Variants in FARSB observed in about 807,000 individuals in gnomAD.
FARSB encodes the protein phenylalanyl-tRNA synthetase subunit beta.
Under a neutral mutation model 69.6 loss-of-function variants are expected in FARSB, and 40 were observed. The observed-to-expected ratio is 0.57, with a 90% CI of 0.45 to 0.75. The LOEUF is 0.75. Among genes scored for constraint, FARSB ranks in the 30% least tolerant of loss-of-function variants. The pLI is 0.00. For missense variants in FARSB, 632 were observed against 722.9 expected (o/e 0.87, Z 1.44); for synonymous variants, 235 against 247.2 (o/e 0.95, Z 0.46).
chr2:222,618,516 T>TA (rs2106213934), intron 14 of FARSB, among the ~76,000 whole-genome samples: 1 of 152,308 alleles, frequency 6.6e-6, no homozygotes, highest in South Asian at 2.1e-4. Flanking sequence ...CAGACTTGCA[T>TA]ATGCAAGAGA....
chr2:222,580,511 T>C (rs1489852436), intron 16 of FARSB, among the ~76,000 whole-genome samples: 7 of 150,690 alleles, frequency 4.6e-5, no homozygotes, highest in Non-Finnish European at 8.9e-5. Flanking sequence ...AAAAAAATAG[T>C]GCTACATAGG....
intron 15 of FARSB, among the ~76,000 whole-genome samples, chr2:222,606,357 T>C: frequency 6.8e-6 from 1 of 146,472 alleles, no homozygotes; most frequent in East Asian, 2.9e-4. Context: ...CCATACTACA[T>C]CATAGAAAGT....
Position 222,628,045 on chromosome 2 carries a change from G to A in FARSB, c.900+792C>T, listed in dbSNP as rs894637142. Among the ~76,000 whole-genome samples, 12 of 152,234 alleles carry A rather than the reference G, an allele frequency of 7.9e-5. No individual in the cohort carries two copies. The East Asian group carries it at 1.4e-3, about 17-fold the overall frequency. On this transcript the variant is annotated intron_variant, in intron 10 of 16. Transcript: ENST00000281828. ...TTTAGATTTTTTACCAAGATCTTAC[G>A]CTTGAAAATAACTATGTGGTTACTA...
rs756280936 is a variant in FARSB, at chr2:222,600,019, C to A, written c.1527G>T (p.Glu509Asp). 66 of 1,611,962 alleles carry A rather than the reference C, an allele frequency of 4.1e-5. No individual in the cohort carries two copies. Among genetic ancestry groups the A allele is most frequent in the Non-Finnish European group, 5.3e-5 (63 of 1,179,508 alleles). ...AVYYNKNPGF[E>D]IIHGLLDRIM... ...TTCTGTCCAGCAGCCCATGAATGATCTCAAACCCAGGATTCTTGTTGTAAT... is the reference window on the plus strand; with the variant it reads ...TTCTGTCCAGCAGCCCATGAATGATATCAAACCCAGGATTCTTGTTGTAAT... Residue 509 changes from glutamate to aspartate, a missense_variant, in exon 16 of 17, where the codon GAG (glutamate) becomes GAT (aspartate). Transcript: ENST00000281828.
chr2:222,649,542 T>C (rs1691971392), intron 1 of FARSB, among the ~76,000 whole-genome samples: 1 of 152,244 alleles, frequency 6.6e-6, no homozygotes, highest in Non-Finnish European at 1.5e-5. Context: ...TTGAATTCTA[T>C]CCCACTTATT....
intron 15 of FARSB, among the ~76,000 whole-genome samples, chr2:222,612,188 T>C (rs1465194497): frequency 1.3e-5 from 2 of 152,224 alleles, no homozygotes; most frequent in Admixed American, 1.3e-4. Flanking sequence ...TATTTGCAGC[T>C]GGCACTAAAC....
chr2:222,628,436 G>A (rs1227542015), intron 10 of FARSB, among the ~76,000 whole-genome samples: 1 of 152,020 alleles, frequency 6.6e-6, no homozygotes, highest in Admixed American at 6.5e-5. Context: ...CAATTATTAT[G>A]TGCCAATTAA....
At chr2:222,623,427 G>C (rs954798996) in intron 13 of FARSB, among the ~76,000 whole-genome samples, 1 of 152,076 alleles carries the variant, frequency 6.6e-6, no homozygotes, top group African/African-American at 2.4e-5. Flanking sequence ...CTCATTTGAG[G>C]TATTTTTTTC....
intron 10 of FARSB, among the ~76,000 whole-genome samples, chr2:222,626,808 C>A (rs566332150): frequency 6.6e-6 from 1 of 152,072 alleles, no homozygotes; most frequent in African/African-American, 2.4e-5. Context: ...CCAAAGCGGG[C>A]GGATCACAAG....
intron 3 of FARSB, 61 bp from the exon 4 acceptor site, chr2:222,640,992 C>T (rs1298886732): frequency 2.4e-6 from 2 of 836,114 alleles, no homozygotes; most frequent in Non-Finnish European, 3.7e-6. Context: ...AAAATAATTA[C>T]ATTCTATGCT....
In FARSB at chr2:222,568,104, G is replaced by C. The variant is rs1242649266; in HGVS notation, c.*3767C>G. On this transcript the variant is annotated 3_prime_UTR_variant, in exon 17 of 17. Transcript: ENST00000281828. This position sits in a 1 kb window ranked among gnomAD's most constrained non-coding sequence, Gnocchi z 4.3. Reference sequence around the variant, plus strand: ...AAAATGTGAGCAGGTGTGTGTGGCTGACTGTACAAATCAAGGAAAATGTCC... The same window carrying C: ...AAAATGTGAGCAGGTGTGTGTGGCTCACTGTACAAATCAAGGAAAATGTCC... 1 of 150,774 alleles carries C rather than the reference G, an allele frequency of 6.6e-6. No homozygotes were observed. Among genetic ancestry groups the C allele is most frequent in the Non-Finnish European group, 1.5e-5 (1 of 67,994 alleles). 9.3% of individuals were successfully genotyped at this position (150,774 alleles called of 1,614,324 possible). A position where few individuals can be genotyped will look rare whatever the true frequency, so the allele number is the denominator to read the frequency against.
At chr2:222,622,024 G>A (rs1691149054) in intron 13 of FARSB, among the ~76,000 whole-genome samples, 1 of 152,198 alleles carries the variant, frequency 6.6e-6, no homozygotes, top group African/African-American at 2.4e-5. Context: ...TCAGTCACAG[G>A]CCTTGGATGC....
At chr2:222,594,092 A>AT (rs1690347124) in intron 16 of FARSB, among the ~76,000 whole-genome samples, 1 of 122,528 alleles carries the variant, frequency 8.2e-6, no homozygotes, top group African/African-American at 2.8e-5. Flanking sequence ...ACCCGCCTCT[A>AT]CAAAAAAAAA....
intron 14 of FARSB, among the ~76,000 whole-genome samples, chr2:222,616,003 T>C (rs1361352065): frequency 6.6e-6 from 1 of 152,204 alleles, no homozygotes; most frequent in Non-Finnish European, 1.5e-5. Flanking sequence ...ATATGCCTTA[T>C]TTGCATATTT....
At chr2:222,582,889 C>T (rs113296391) in intron 16 of FARSB, among the ~76,000 whole-genome samples, 5 of 151,196 alleles carry the variant, frequency 3.3e-5, no homozygotes, top group African/African-American at 1.2e-4. Flanking sequence ...CACGCCACTG[C>T]ACTCCAGCCT....
chr2:222,634,935 G>A lies in FARSB; in HGVS notation c.456-394C>T, dbSNP rs187374703. Among the ~76,000 whole-genome samples, 9 of 152,192 alleles carry A rather than the reference G, an allele frequency of 5.9e-5. No homozygotes were observed. In the East Asian group the frequency reaches 9.6e-4, roughly 16 times the overall value. On this transcript the variant is annotated intron_variant, in intron 5 of 16. Coordinates refer to ENST00000281828, the MANE Select transcript of FARSB (RefSeq NM_005687.5). The stretch of plus-strand genomic sequence containing the variant: ...TAAACATGTTTTAATAAATTAGAAC[G>A]AACTATCGAATTGTGGGTTTTTTGG...
chr2:222,634,047 C>G (rs1297357998), intron 6 of FARSB, among the ~76,000 whole-genome samples: 1 of 152,164 alleles, frequency 6.6e-6, no homozygotes, highest in East Asian at 1.9e-4. Flanking sequence ...GGGAGATAGA[C>G]AGCTTGTAAC....
intron 5 of FARSB, among the ~76,000 whole-genome samples, chr2:222,636,540 C>A (rs1691586751): frequency 6.6e-6 from 1 of 151,438 alleles, no homozygotes; most frequent in Non-Finnish European, 1.5e-5. Context: ...AACTAAAAGT[C>A]AAAAAACACA....
Position 222,646,085 on chromosome 2 carries a change from C to T in FARSB, c.114+2655G>A, listed in dbSNP as rs547396474. On this transcript the variant is annotated intron_variant, in intron 2 of 16. Transcript: ENST00000281828. ...ACAGTCTAAAAAAATGCCAATCTTACTAGGTGTTACTTTTGGCAGCAGAAT... is the reference window on the plus strand; with the variant it reads ...ACAGTCTAAAAAAATGCCAATCTTATTAGGTGTTACTTTTGGCAGCAGAAT... Among the ~76,000 whole-genome samples, 196 of 152,298 alleles carry T rather than the reference C, an allele frequency of 1.3e-3. 4 individuals carry two copies. In the South Asian group the frequency reaches 0.038, roughly 30 times the overall value.
Sources: gnomAD v4.1 joint callset for allele counts (sites outside exome capture counted in the v4.1 genomes callset) on GRCh38, gnomAD v4.1.1 for gene constraint, Gnocchi (gnomAD v3.1) non-coding constraint, MANE v1.5 for transcripts, NCBI Gene and HGNC (gene_info 2026-07-23, HGNC 2026-07-21) for gene names.